The following CARMIL1 variants were observed in gnomAD, a reference collection of about 807,000 sequenced individuals.
CARMIL1 encodes F-actin-uncapping protein LRRC16A.
Under a neutral mutation model 177.1 loss-of-function variants are expected in CARMIL1, and 90 were observed. The ratio of observed to expected loss-of-function variants is 0.51; its 90% CI spans 0.43 to 0.61. CARMIL1 has a LOEUF of 0.61. Among genes scored for constraint, CARMIL1 ranks in the 20% least tolerant of loss-of-function variants. The pLI is 0.00. For synonymous variants in CARMIL1, 577 were observed against 606.2 expected, an observed-to-expected ratio of 0.95 and a Z score of 0.71; for missense variants, 1,380 against 1,667.0, an observed-to-expected ratio of 0.83 and a Z score of 3.00.
At chr6:25,348,415 A>T (rs1204779539) in intron 2 of CARMIL1, among the ~76,000 whole-genome samples, 1 of 151,492 alleles carries the variant, frequency 6.6e-6, no homozygotes, top group African/African-American at 2.4e-5. Context: ...TACAGGCGTG[A>T]GCCACTGTGC....
intron 2 of CARMIL1, among the ~76,000 whole-genome samples, chr6:25,391,584 T>C (rs990417486): frequency 6.6e-5 from 10 of 152,176 alleles, no homozygotes; most frequent in East Asian, 5.8e-4. Flanking sequence ...TAGTTACTGT[T>C]CAATGTGATA....
At chr6:25,480,154 A>G (rs764286170) in intron 11 of CARMIL1, among the ~76,000 whole-genome samples, 5 of 152,138 alleles carry the variant, frequency 3.3e-5, no homozygotes, top group Non-Finnish European at 5.9e-5. Flanking sequence ...TACTGGGTAC[A>G]GCATTTTAAA....
At chr6:25,392,527 G>A (rs1193102764) in intron 2 of CARMIL1, among the ~76,000 whole-genome samples, 1 of 152,090 alleles carries the variant, frequency 6.6e-6, no homozygotes, top group African/African-American at 2.4e-5. Flanking sequence ...ACTTCCTTCA[G>A]CTTTTCCTTA....
At chr6:25,529,292 A>G (rs561155897) in intron 24 of CARMIL1, among the ~76,000 whole-genome samples, 89 of 152,310 alleles carry the variant, frequency 5.8e-4, no homozygotes, top group Middle Eastern at 6.8e-3. Flanking sequence ...GGTTCATTAA[A>G]AAAAGAAAAA....
At chr6:25,360,051 A>C (rs1789024101) in intron 2 of CARMIL1, among the ~76,000 whole-genome samples, 1 of 152,198 alleles carries the variant, frequency 6.6e-6, no homozygotes, top group African/African-American at 2.4e-5. Context: ...CACTGTCCAA[A>C]TGAGGGATGC....
intron 8 of CARMIL1, among the ~76,000 whole-genome samples, chr6:25,451,876 G>A (rs1798961085): frequency 6.6e-6 from 1 of 151,768 alleles, no homozygotes; most frequent in Non-Finnish European, 1.5e-5. Context: ...TCTCTGATTG[G>A]AATTGGGAGA....
chr6:25,324,462 C>T (rs1407701809), intron 2 of CARMIL1, among the ~76,000 whole-genome samples: 1 of 151,894 alleles, frequency 6.6e-6, no homozygotes, highest in Non-Finnish European at 1.5e-5. Flanking sequence ...AAGCAAATTC[C>T]TGATGTCAGG....
chr6:25,414,600 AG>A (rs1795207763), intron 2 of CARMIL1, among the ~76,000 whole-genome samples: 1 of 152,178 alleles, frequency 6.6e-6, no homozygotes, highest in African/African-American at 2.4e-5. Context: ...GTATGAATGT[AG>A]CCCCATTAAT....
chr6:25,463,819 C>CTTTTTTTTTTT, intron 8 of CARMIL1, among the ~76,000 whole-genome samples: 1 of 108,496 alleles, frequency 9.2e-6, no homozygotes, highest in Non-Finnish European at 1.8e-5. Flanking sequence ...AGTTGTTCTC[C>CTTTTTTTTTTT]TTTTTTTTTT....
chr6:25,556,767 G>A lies in CARMIL1; in HGVS notation c.2659G>A (p.Glu887Lys), dbSNP rs200785124. The A allele has an allele frequency of 9.0e-5, 146 of 1,613,510 alleles. 2 individuals are homozygous for A. The highest frequency in any genetic ancestry group is 1.6e-4 in the Middle Eastern group (1 of 6,080). ...AGAATCCTTAGAGATCGAGCTGGCT[G>A]AGGAGAAGCCAGTTAAACGTTCCAT... ...QQESLEIELA[E>K]EKPVKRSIIT... The change falls in exon 29 of 37, where the codon GAG becomes AAG. Residue 887 changes from glutamate (E) to lysine (K), a missense_variant. Glu to Lys is a moderately conservative substitution (Grantham distance 56). Coordinates refer to ENST00000329474, the MANE Select transcript of CARMIL1 (RefSeq NM_017640.6).
In CARMIL1 at chr6:25,284,731, A is replaced by C. The variant is rs922460022; in HGVS notation, c.41-81A>C. ...CTCAAAAGACAACAACAGTAAAAAC[A>C]ACCAAATATACTCCTCCAAATGCTT... On this transcript the variant is annotated intron_variant, in intron 1 of 36. Coordinates refer to ENST00000329474, the MANE Select transcript of CARMIL1 (RefSeq NM_017640.6). The C allele has an allele frequency of 1.4e-4, 114 of 790,386 alleles. No individual in the cohort carries two copies. In the African/African-American group the frequency reaches 1.9e-3, roughly 13 times the overall value. The allele number at this position is 790,386 out of a possible 1,614,324, so 49.0% of individuals were successfully genotyped here. A position where few individuals can be genotyped will look rare whatever the true frequency, so the allele number is the denominator to read the frequency against.
chr6:25,347,483 A>G (rs1205345615), intron 2 of CARMIL1, among the ~76,000 whole-genome samples: 1 of 152,226 alleles, frequency 6.6e-6, no homozygotes, highest in African/African-American at 2.4e-5. Flanking sequence ...ACCAGAGTGA[A>G]GAAGATTCAG....
intron 36 of CARMIL1, among the ~76,000 whole-genome samples, chr6:25,618,320 A>G (rs1193070072): frequency 6.6e-6 from 1 of 151,648 alleles, no homozygotes; most frequent in African/African-American, 2.4e-5. Context: ...AATGAATCCT[A>G]TAGCTTTTAA....
chr6:25,524,926 A>T (rs1167259344), intron 23 of CARMIL1, among the ~76,000 whole-genome samples: 1 of 152,188 alleles, frequency 6.6e-6, no homozygotes. Flanking sequence ...AAACTTCCCA[A>T]ACTGAATTGC....
chr6:25,281,279 T>C (rs575438241), intron 1 of CARMIL1, among the ~76,000 whole-genome samples: 2 of 151,862 alleles, frequency 1.3e-5, no homozygotes, highest in South Asian at 2.1e-4. Flanking sequence ...GCTGCGACCT[T>C]TCCAACACCC....
chr6:25,619,313 TTG>T, intron 36 of CARMIL1, 132 bp from the exon 37 acceptor site: 1 of 730,562 alleles, frequency 1.4e-6, no homozygotes. Context: ...AATAGCAAGT[TTG>T]TTTCTGAGAA....
chr6:25,334,009 T>A (rs1785961877), intron 2 of CARMIL1, among the ~76,000 whole-genome samples: 1 of 152,232 alleles, frequency 6.6e-6, no homozygotes, highest in Non-Finnish European at 1.5e-5. Context: ...CCTCTGCTGG[T>A]GTTCTGTGAG....
At chr6:25,287,109 T>A (rs549202620) in intron 2 of CARMIL1, among the ~76,000 whole-genome samples, 2 of 152,356 alleles carry the variant, frequency 1.3e-5, no homozygotes, top group East Asian at 1.9e-4. Flanking sequence ...AGAAGATGTA[T>A]GAAGTAACCT....
At chr6:25,395,978 T>C (rs1036045156) in intron 2 of CARMIL1, among the ~76,000 whole-genome samples, 8 of 152,222 alleles carry the variant, frequency 5.3e-5, no homozygotes, top group Non-Finnish European at 1.2e-4. Context: ...CTTGCCCTCC[T>C]CCCAGTCTTT....
Sources: allele counts gnomAD v4.1 joint callset (sites outside exome capture counted in the v4.1 genomes callset), GRCh38; gene constraint gnomAD v4.1.1; transcripts MANE v1.5; gene names NCBI Gene and HGNC (gene_info 2026-07-23, HGNC 2026-07-21).